CIBAR1: variants seen among roughly 807,000 people sequenced by gnomAD.
CIBAR1 encodes the protein CBY1-interacting BAR domain-containing protein 1.
Under a neutral mutation model 44.0 loss-of-function variants are expected in CIBAR1, and 25 were observed. That is an observed-to-expected ratio of 0.57 (90% CI 0.41 to 0.79). The LOEUF is 0.79. CIBAR1 is among the 30% of genes least tolerant of loss of function. CIBAR1 has a pLI of 0.00. For synonymous variants in CIBAR1, 115 were observed against 119.0 expected, an observed-to-expected ratio of 0.97 and a Z score of 0.22; for missense variants, 278 against 344.8, an observed-to-expected ratio of 0.81 and a Z score of 1.53.
intron 7 of CIBAR1, among the ~76,000 whole-genome samples, chr8:93,723,019 C>T (rs1292271369): frequency 1.3e-5 from 2 of 152,016 alleles, no homozygotes; most frequent in Non-Finnish European, 2.9e-5. Flanking sequence ...TTTTTTGAGA[C>T]GGAGTCTCGC....
At chr8:93,717,399 T>C (rs919150037) in intron 6 of CIBAR1, among the ~76,000 whole-genome samples, 2 of 152,218 alleles carry the variant, frequency 1.3e-5, no homozygotes, top group African/African-American at 4.8e-5. Context: ...ATGCCGTTTA[T>C]CCATCAGTTG....
rs1811735651 is a variant in CIBAR1, at chr8:93,730,252, A to G, written c.*1955A>G. ...ATTTACTGCAAAAACAGAGGCAGCA[A>G]GGTCACTACTTAACAGGTGATATAT... On this transcript the variant is annotated 3_prime_UTR_variant, in exon 9 of 9. Coordinates refer to ENST00000518322, the MANE Select transcript of CIBAR1 (RefSeq NM_145269.5). 6.6e-6 allele frequency: 1 copy of G among 152,234 alleles called. No individual in the cohort carries two copies. The highest frequency in any genetic ancestry group is 1.5e-5 in the Non-Finnish European group (1 of 68,034). The allele number at this position is 152,234 out of a possible 1,614,324, so 9.4% of individuals were successfully genotyped here. A position where few individuals can be genotyped will look rare whatever the true frequency, so the allele number is the denominator to read the frequency against.
In CIBAR1 at chr8:93,702,795, T is replaced by C. The variant is rs1171054293; in HGVS notation, c.262-825T>C. 2.0e-5 allele frequency among the ~76,000 whole-genome samples: 3 copies of C among 152,174 alleles called. No individual in the cohort carries two copies. The East Asian group carries it at 5.8e-4, about 29-fold the overall frequency. ...TGAAATTAAGTGTATTTGTCAATTA[T>C]ATAAATATGTATCATTAAAAAGCCC... On this transcript the variant is annotated intron_variant, in intron 2 of 8. Transcript: ENST00000518322.
Position 93,728,285 on chromosome 8 carries a change from T to C in CIBAR1, c.858T>C (p.Asn286=). ...DDELDVTEEE[N]FLK is the part of the protein sequence containing the mutation. ...AGTTAGATGTTACAGAAGAAGAAAA[T>C]TTTCTTAAGTAAACTACACATTTCC... is the stretch of plus-strand genomic sequence containing the variant. The change falls in exon 9 of 9, where the codon AAT becomes AAC. Residue 286 remains asparagine, a synonymous_variant. Transcript: ENST00000518322. The C allele has an allele frequency of 6.3e-7, 1 of 1,579,448 alleles. No individual in the cohort carries two copies. Among genetic ancestry groups the C allele is most frequent in the Admixed American group, 1.9e-5 (1 of 53,696 alleles).
chr8:93,722,134 C>G (rs879484489), intron 7 of CIBAR1, among the ~76,000 whole-genome samples: 1 of 152,202 alleles, frequency 6.6e-6, no homozygotes, highest in Admixed American at 6.5e-5. Flanking sequence ...GTGGAGAGAA[C>G]AGTCTGGAGA....
At chr8:93,702,292 T>A (rs1392725711) in intron 2 of CIBAR1, 1 of 416,158 alleles carries the variant, frequency 2.4e-6, no homozygotes, top group African/African-American at 2.1e-5. Context: ...AATGTGGAGT[T>A]CTTGTCATGA....
At chr8:93,714,928 A>ATTC (rs1810982323) in intron 6 of CIBAR1, among the ~76,000 whole-genome samples, 1 of 152,192 alleles carries the variant, frequency 6.6e-6, no homozygotes, top group Non-Finnish European at 1.5e-5. Flanking sequence ...GAACATTCCT[A>ATTC]TTCTTACCTG....
At chr8:93,723,291 C>T (rs567790533) in intron 7 of CIBAR1, among the ~76,000 whole-genome samples, 186 of 152,298 alleles carry the variant, frequency 1.2e-3, no homozygotes, top group African/African-American at 4.1e-3. Context: ...CCACGGTGCC[C>T]GGCCCAAGTC....
At position 93,701,242 on chromosome 8, in the gene CIBAR1, A is replaced by C; in HGVS notation, c.45A>C (p.Gln15His). ...TLENRNAQTK[Q>H]LQTAVSNVEK... ...TCCCTAGGAACGCTCAAACGAAACAACTGCAAACAGCTGTCTCAAATGTGG... is the reference window on the plus strand; with the variant it reads ...TCCCTAGGAACGCTCAAACGAAACACCTGCAAACAGCTGTCTCAAATGTGG... Residue 15 changes from glutamine (Q) to histidine (H), a missense_variant, in exon 2 of 9, where the codon CAA (glutamine) becomes CAC (histidine). Physicochemically the swap from Gln to His is conservative, Grantham distance 24. Transcript: ENST00000518322. The C allele has an allele frequency of 6.2e-7, 1 of 1,613,430 alleles. No homozygotes were observed. The highest frequency in any genetic ancestry group is 8.5e-7 in the Non-Finnish European group (1 of 1,179,648).
At position 93,709,794 on chromosome 8, in the gene CIBAR1, T is replaced by G. The variant is rs1810747531; in HGVS notation, c.462T>G (p.Ala154=). The G allele has an allele frequency of 1.2e-6, 2 of 1,613,518 alleles. No individual in the cohort carries two copies. The highest frequency in any genetic ancestry group is 1.1e-5 in the South Asian group (1 of 90,862). Residue 154 remains alanine (A), a synonymous_variant, in exon 6 of 9, where the codon GCT becomes GCG. Transcript: ENST00000518322. The part of the protein sequence containing the change: ...ISQAETELQR[A]AMDASRTSRH... ...AGGCAGAAACGGAATTACAGAGAGC[T>G]GCAATGGATGCTAGCCGAACAAGTC...
intron 5 of CIBAR1, among the ~76,000 whole-genome samples, 180 bp downstream of exon 5, chr8:93,708,196 G>T (rs1233627092): frequency 2.0e-5 from 3 of 152,106 alleles, no homozygotes; most frequent in Non-Finnish European, 4.4e-5. Flanking sequence ...GATGATATAT[G>T]TGACTTTTGA....
chr8:93,709,688 A>G (rs766454874), intron 5 of CIBAR1, 83 bp from the exon 6 acceptor site: 6 of 1,074,042 alleles, frequency 5.6e-6, no homozygotes, highest in East Asian at 2.5e-5. Context: ...CAGTACTGCA[A>G]TGGTAGAATT....
At chr8:93,714,751 T>C (rs1457766005) in intron 6 of CIBAR1, among the ~76,000 whole-genome samples, 1 of 152,116 alleles carries the variant, frequency 6.6e-6, no homozygotes, top group Admixed American at 6.5e-5. Context: ...CCCCAGGTGC[T>C]GGGATTACAG....
intron 6 of CIBAR1, among the ~76,000 whole-genome samples, chr8:93,718,272 T>C (rs1053246329): frequency 1.3e-5 from 2 of 152,246 alleles, no homozygotes; most frequent in African/African-American, 4.8e-5. Flanking sequence ...AAAAACGTTC[T>C]CCTGTTTAAA....
chr8:93,727,103 T>C, intron 8 of CIBAR1: 1 of 819,678 alleles, frequency 1.2e-6, no homozygotes, highest in Non-Finnish European at 1.8e-6. Context: ...ATGACTGTGT[T>C]CTAATAAAAT....
intron 6 of CIBAR1, among the ~76,000 whole-genome samples, chr8:93,715,088 TTTGGTA>T (rs1810989030): frequency 6.6e-6 from 1 of 152,190 alleles, no homozygotes; most frequent in African/African-American, 2.4e-5. Context: ...CCATTTGAAT[TTTGGTA>T]TTGGTATTAA....
rs1232573061 is a variant in CIBAR1 at position 93,731,313 on chromosome 8, G to C, written c.*3016G>C. On this transcript the variant is annotated 3_prime_UTR_variant, in exon 9 of 9. Transcript: ENST00000518322. ...AGCTTTATTCCTTTGTATCTGAGAA[G>C]CATTTTTTAACTTTCCATATATTAT... The C allele has an allele frequency of 6.6e-6, 1 of 152,152 alleles. No individual in the cohort carries two copies. Among genetic ancestry groups the C allele is most frequent in the Admixed American group, 6.6e-5 (1 of 15,266 alleles). 9.4% of individuals were successfully genotyped at this position (152,152 alleles called of 1,614,324 possible).
intron 8 of CIBAR1, chr8:93,727,323 C>A: frequency 1.7e-6 from 1 of 578,766 alleles, no homozygotes; most frequent in South Asian, 2.0e-5. Flanking sequence ...ATGTATCTCT[C>A]CCCCAACCCA....
At chr8:93,720,897 C>T (rs1287173093) in intron 7 of CIBAR1, 1 of 152,072 alleles carries the variant, frequency 6.6e-6, no homozygotes, top group Non-Finnish European at 1.5e-5. Flanking sequence ...ATCAAGCTTT[C>T]ATCTGTCATT....
Sources: gnomAD v4.1 joint callset for allele counts (sites outside exome capture counted in the v4.1 genomes callset) on GRCh38, gnomAD v4.1.1 for gene constraint, MANE v1.5 for transcripts, NCBI Gene and HGNC (gene_info 2026-07-23, HGNC 2026-07-21) for gene names.